Variants in ANKRD12 observed in about 807,000 individuals in gnomAD.
The protein encoded by ANKRD12 is ankyrin repeat domain-containing protein 12.
ANKRD12 carries 85 observed loss-of-function variants against 183.4 expected under a neutral mutation model. The observed-to-expected ratio is 0.46, with a 90% confidence interval of 0.39 to 0.56. The LOEUF (loss-of-function observed/expected upper bound fraction) is 0.56. ANKRD12 is among the 20% of genes least tolerant of loss of function. ANKRD12 has a pLI of 0.00. For missense variants in ANKRD12, 2,405 were observed against 2,357.1 expected (o/e 1.02, Z -0.42); for synonymous variants, 914 against 800.2 (o/e 1.14, Z -2.40).
intron 8 of ANKRD12, among the ~76,000 whole-genome samples, chr18:9,242,048 T>TAC (rs35897302): frequency 3.1e-4 from 47 of 151,694 alleles, no homozygotes; most frequent in African/African-American, 5.1e-4. Context: ...TGTATATATA[T>TAC]ACACACACAC....
chr18:9,257,965 C>G lies in ANKRD12; in HGVS notation c.4698C>G (p.Asp1566Glu), dbSNP rs756222159. The change falls in exon 9 of 13, where the codon GAC becomes GAG. Residue 1566 changes from aspartate (D) to glutamate (E), a missense_variant. By Grantham distance (45) the Asp-to-Glu change is conservative. Coordinates refer to ENST00000262126, the MANE Select transcript of ANKRD12 (RefSeq NM_015208.5). ...ATGCCTTTGTCCCAGTGTACTCTGA[C>G]AGCACTATTCAAGAAGCATCACCAA... Reference protein sequence around the residue: ...KTDAFVPVYSDSTIQEASPNF... With the variant: ...KTDAFVPVYSESTIQEASPNF... 2.5e-5 allele frequency: 41 copies of G among 1,613,928 alleles called. No homozygotes were observed. The highest frequency in any genetic ancestry group is 3.1e-5 in the Non-Finnish European group (37 of 1,179,970).
At chr18:9,229,826 A>T (rs1390297210) in intron 8 of ANKRD12, among the ~76,000 whole-genome samples, 4 of 152,068 alleles carry the variant, frequency 2.6e-5, no homozygotes, top group Non-Finnish European at 4.4e-5. Flanking sequence ...ATTCCATTTG[A>T]TCATGTTGTA....
chr18:9,223,259 C>CT (rs35340216), intron 8 of ANKRD12, among the ~76,000 whole-genome samples: 17,848 of 144,598 alleles, frequency 0.12, 1,293 homozygotes, highest in African/African-American at 0.2. Flanking sequence ...ACCTCTCTCT[C>CT]TTTTTTTTTT....
intron 8 of ANKRD12, among the ~76,000 whole-genome samples, chr18:9,233,475 C>T (rs2037170954): frequency 6.6e-6 from 1 of 151,912 alleles, no homozygotes; most frequent in African/African-American, 2.4e-5. Flanking sequence ...TGTCATATTT[C>T]CTTCTTTTTT....
chr18:9,268,594 A>G (rs1256644598), intron 10 of ANKRD12, among the ~76,000 whole-genome samples: 1 of 152,208 alleles, frequency 6.6e-6, no homozygotes, highest in African/African-American at 2.4e-5. Context: ...AAAACTCTCA[A>G]TAAATTAGGT....
rs1293593415 is a variant in ANKRD12, at chr18:9,175,235, T to C, written c.-51-7147T>C. Among the ~76,000 whole-genome samples the C allele has an allele frequency of 4.6e-5, 7 of 152,354 alleles. 1 individual carries two copies. The highest frequency in any genetic ancestry group is 1.4e-4 in the African/African-American group (6 of 41,582). ...AGACTTTCTGTAGTTGGAATACTTC[T>C]GTAGATATTCACTTGTATTATACAT... On this transcript the variant is annotated intron_variant, in intron 1 of 12. Coordinates refer to ENST00000262126, the MANE Select transcript of ANKRD12 (RefSeq NM_015208.5).
At chr18:9,171,881 G>T (rs2032763061) in intron 1 of ANKRD12, among the ~76,000 whole-genome samples, 1 of 152,030 alleles carries the variant, frequency 6.6e-6, no homozygotes, top group Admixed American at 6.6e-5. Context: ...TCGGCTGGGT[G>T]TGGTGGCATA....
intron 1 of ANKRD12, among the ~76,000 whole-genome samples, chr18:9,137,303 G>GT (rs2078140704): frequency 6.8e-6 from 1 of 146,460 alleles, no homozygotes; most frequent in South Asian, 2.1e-4. Context: ...GCTGCGCGGG[G>GT]CGGGGCGGGG....
At chr18:9,148,140 C>A (rs182234265) in intron 1 of ANKRD12, among the ~76,000 whole-genome samples, 1 of 152,288 alleles carries the variant, frequency 6.6e-6, no homozygotes, top group Non-Finnish European at 1.5e-5. Flanking sequence ...TTGCAGCCCT[C>A]TACTGGTTTA....
intron 1 of ANKRD12, among the ~76,000 whole-genome samples, chr18:9,148,144 T>G (rs1179037897): frequency 6.6e-6 from 1 of 152,190 alleles, no homozygotes; most frequent in Non-Finnish European, 1.5e-5. Context: ...AGCCCTCTAC[T>G]GGTTTATGGA....
Position 9,256,760 on chromosome 18 carries a change from C to G in ANKRD12, c.3493C>G (p.Gln1165Glu), listed in dbSNP as rs1182248915. 2 of 1,613,786 alleles carry G rather than the reference C, an allele frequency of 1.2e-6. No individual in the cohort carries two copies. The highest frequency in any genetic ancestry group is 1.7e-6 in the Non-Finnish European group (2 of 1,179,880). The change falls in exon 9 of 13, where the codon CAA becomes GAA. Residue 1165 changes from glutamine (Q) to glutamate (E), a missense_variant. By Grantham distance (29) the Gln-to-Glu change is conservative. Around this residue, in one of 7 missense-constraint regions of ANKRD12, gnomAD observed 1,983 missense variants for 1,725.9 expected, o/e 1.15. Transcript: ENST00000262126. ...TAAAGATGCTGTAAGTAACAGATCA[C>G]AATCTGTTGACACCAAAAATGTAAT... ...QPKDAVSNRS[Q>E]SVDTKNVMTL...
chr18:9,139,445 A>T lies in ANKRD12; in HGVS notation c.-52+2480A>T, dbSNP rs185323720. ...GAAGAGATTTTTATTCTTAAAAAAAAATAAGTGATTTTTAAAATATCATTT... is the reference window on the plus strand; with the variant it reads ...GAAGAGATTTTTATTCTTAAAAAAATATAAGTGATTTTTAAAATATCATTT... On this transcript the variant is annotated intron_variant, in intron 1 of 12. Coordinates refer to ENST00000262126, the MANE Select transcript of ANKRD12 (RefSeq NM_015208.5). Among the ~76,000 whole-genome samples the T allele has an allele frequency of 2.6e-3, 400 of 152,342 alleles. 10 individuals carry two copies. Among genetic ancestry groups the T allele is most frequent in the Admixed American group, 0.022 (330 of 15,302 alleles).
intron 8 of ANKRD12, among the ~76,000 whole-genome samples, chr18:9,247,712 T>A (rs557301281): frequency 1.1e-4 from 17 of 152,314 alleles, no homozygotes; most frequent in Middle Eastern, 3.4e-3. Flanking sequence ...TGAAATAACC[T>A]GATAAATCTC....
At chr18:9,222,153 G>A (rs2036456148) in intron 8 of ANKRD12, among the ~76,000 whole-genome samples, 154 bp downstream of exon 8, 1 of 152,164 alleles carries the variant, frequency 6.6e-6, no homozygotes, top group African/African-American at 2.4e-5. Flanking sequence ...GAATGATGAA[G>A]TTAGTAACCT....
chr18:9,186,846 G>A (rs2034108192), intron 2 of ANKRD12, among the ~76,000 whole-genome samples: 1 of 151,266 alleles, frequency 6.6e-6, no homozygotes, highest in Non-Finnish European at 1.5e-5. Context: ...CCACCTCCTG[G>A]GTTCACGCCA....
In ANKRD12 at chr18:9,216,913, GA is replaced by G. The variant is rs2036137995; in HGVS notation, c.795+20del. 1 of 1,604,120 alleles carries G rather than the reference GA, an allele frequency of 6.2e-7. No homozygotes were observed. The highest frequency in any genetic ancestry group is 8.5e-7 in the Non-Finnish European group (1 of 1,177,028). The stretch of plus-strand genomic sequence containing the variant: ...TGGGCACAGAGATGTAAGTATGATA[GA>G]AAAAAATCAATAATACACATTTGCA... On this transcript the variant is annotated intron_variant, in intron 7 of 12. Coordinates refer to ENST00000262126, the MANE Select transcript of ANKRD12 (RefSeq NM_015208.5).
chr18:9,257,066 G>A lies in ANKRD12; in HGVS notation c.3799G>A (p.Ala1267Thr), dbSNP rs1485510446. ...ALHERELDSL[A>T]DLPERIKPPY... ...TCATGAAAGGGAATTGGACAGCCTG[G>A]CTGACTTGCCGGAGCGGATTAAACC... The change falls in exon 9 of 13, where the codon GCT (alanine) becomes ACT (threonine). Residue 1267 changes from alanine to threonine, a missense_variant. Ala to Thr is a moderately conservative substitution (Grantham distance 58). Around this residue, in one of 7 missense-constraint regions of ANKRD12, gnomAD observed 1,983 missense variants for 1,725.9 expected, o/e 1.15. Coordinates refer to ENST00000262126, the MANE Select transcript of ANKRD12 (RefSeq NM_015208.5). The A allele has an allele frequency of 6.8e-6, 11 of 1,613,994 alleles. No homozygotes were observed. Among genetic ancestry groups the A allele is most frequent in the Non-Finnish European group, 8.5e-6 (10 of 1,180,008 alleles).
At chr18:9,153,978 T>C (rs1451547218) in intron 1 of ANKRD12, among the ~76,000 whole-genome samples, 4 of 152,214 alleles carry the variant, frequency 2.6e-5, no homozygotes, top group Non-Finnish European at 4.4e-5. Context: ...ATCAGTCTTC[T>C]AGCTCTAAGA....
At chr18:9,172,882 T>C (rs76627059) in intron 1 of ANKRD12, among the ~76,000 whole-genome samples, 4 of 148,586 alleles carry the variant, frequency 2.7e-5, no homozygotes, top group Non-Finnish European at 6.0e-5. Context: ...GTTGCTGATC[T>C]TTTTTTTTTG....
Sources: allele counts gnomAD v4.1 joint callset (sites outside exome capture counted in the v4.1 genomes callset), GRCh38; gene constraint gnomAD v4.1.1; regional missense constraint gnomAD v4.1.1; transcripts MANE v1.5; gene names NCBI Gene and HGNC (gene_info 2026-07-23, HGNC 2026-07-21).